DENND1A: variants seen among roughly 807,000 people sequenced by gnomAD.
The protein encoded by DENND1A is DENN domain-containing protein 1A.
Under a neutral mutation model 113.7 loss-of-function variants are expected in DENND1A, and 51 were observed. The observed-to-expected ratio is 0.45, with a 90% CI of 0.36 to 0.57. The LOEUF (loss-of-function observed/expected upper bound fraction) is 0.57. Among genes scored for constraint, DENND1A ranks in the 20% least tolerant of loss-of-function variants. The pLI, the probability that DENND1A is intolerant of heterozygous loss-of-function variation, is 0.00. For synonymous variants in DENND1A, 565 were observed against 570.8 expected, an observed-to-expected ratio of 0.99 and a Z score of 0.14; for missense variants, 1,258 against 1,395.9, an observed-to-expected ratio of 0.90 and a Z score of 1.57.
chr9:123,535,066 T>TCTACCC (rs2055629782), intron 13 of DENND1A, among the ~76,000 whole-genome samples: 1 of 152,126 alleles, frequency 6.6e-6, no homozygotes, highest in African/African-American at 2.4e-5. Flanking sequence ...TCCTGTCACC[T>TCTACCC]CTACCCAAAT....
intron 1 of DENND1A, among the ~76,000 whole-genome samples, chr9:123,899,633 T>C (rs780651775): frequency 4.6e-5 from 7 of 152,224 alleles, no homozygotes; most frequent in Non-Finnish European, 8.8e-5. Context: ...TATAAATATT[T>C]CATAGTATTC....
chr9:123,832,449 T>G (rs1840368419), intron 2 of DENND1A, among the ~76,000 whole-genome samples: 1 of 152,210 alleles, frequency 6.6e-6, no homozygotes, highest in Non-Finnish European at 1.5e-5. Context: ...TCCACCACAT[T>G]GGAAAACTTG....
At position 123,827,997 on chromosome 9, in the gene DENND1A, G is replaced by A. The variant is rs659967; in HGVS notation, c.89-35367C>T. The stretch of plus-strand genomic sequence containing the variant: ...CAATTGGCACTCAATAAAAAATTAC[G>A]AAGTAAACAGGGACAAAAGAAAGGT... On this transcript the variant is annotated intron_variant, in intron 2 of 23. Transcript: ENST00000394215. 5.3e-5 allele frequency among the ~76,000 whole-genome samples: 8 copies of A among 151,910 alleles called. No homozygotes were observed. In the East Asian group the frequency reaches 5.8e-4, roughly 11 times the overall value.
intron 13 of DENND1A, among the ~76,000 whole-genome samples, chr9:123,465,107 G>T (rs1219587326): frequency 6.6e-6 from 1 of 151,342 alleles, no homozygotes; most frequent in African/African-American, 2.4e-5. Flanking sequence ...CTTGAACCCG[G>T]GAGGTGGAGG....
intron 1 of DENND1A, among the ~76,000 whole-genome samples, chr9:123,886,948 T>C (rs920316596): frequency 6.6e-6 from 1 of 152,172 alleles, no homozygotes; most frequent in African/African-American, 2.4e-5. Context: ...TTACCTTCCA[T>C]ATATCCCTAC....
At chr9:123,556,587 C>T (rs140879126) in intron 13 of DENND1A, among the ~76,000 whole-genome samples, 9 of 152,314 alleles carry the variant, frequency 5.9e-5, no homozygotes, top group African/African-American at 1.2e-4. Context: ...CAAACAGCCC[C>T]GGCCTATAGG....
At chr9:123,884,898 C>T (rs937967572) in intron 1 of DENND1A, among the ~76,000 whole-genome samples, 3 of 152,058 alleles carry the variant, frequency 2.0e-5, no homozygotes, top group African/African-American at 7.2e-5. Context: ...ACAGTCTTTC[C>T]AGGCTTTTTC....
At chr9:123,723,231 C>G (rs2067465182) in intron 5 of DENND1A, among the ~76,000 whole-genome samples, 1 of 152,204 alleles carries the variant, frequency 6.6e-6, no homozygotes, top group African/African-American at 2.4e-5. Context: ...TTCAGAATGG[C>G]TGTATTTACC....
chr9:123,833,911 C>T (rs1399742169), intron 2 of DENND1A, among the ~76,000 whole-genome samples: 1 of 152,076 alleles, frequency 6.6e-6, no homozygotes, highest in Non-Finnish European at 1.5e-5. Context: ...CAAAAATTAG[C>T]TGGGCATGGT....
At chr9:123,783,079 C>T (rs1304000651) in intron 3 of DENND1A, among the ~76,000 whole-genome samples, 1 of 152,298 alleles carries the variant, frequency 6.6e-6, no homozygotes, top group African/African-American at 2.4e-5. Context: ...GGCTCATTTA[C>T]AAGGACAGTG....
chr9:123,509,163 G>A (rs938944971), intron 13 of DENND1A, among the ~76,000 whole-genome samples: 6 of 152,268 alleles, frequency 3.9e-5, no homozygotes, highest in South Asian at 4.2e-4. Flanking sequence ...ACACAAGCCC[G>A]TACACACAGA....
intron 19 of DENND1A, among the ~76,000 whole-genome samples, chr9:123,434,878 A>C (rs1044943538): frequency 2.6e-5 from 4 of 152,220 alleles, no homozygotes; most frequent in African/African-American, 7.2e-5. Context: ...CCACATGGGG[A>C]CTACAGGGAG....
intron 9 of DENND1A, among the ~76,000 whole-genome samples, chr9:123,640,208 G>C (rs2061954246): frequency 6.6e-6 from 1 of 152,210 alleles, no homozygotes; most frequent in Non-Finnish European, 1.5e-5. Context: ...CATTATGAAA[G>C]AGATGCTATA....
At chr9:123,888,636 A>G (rs905656960) in intron 1 of DENND1A, among the ~76,000 whole-genome samples, 1 of 152,248 alleles carries the variant, frequency 6.6e-6, no homozygotes, top group Non-Finnish European at 1.5e-5. Context: ...AGGACCTTCT[A>G]GAAAATATCT....
chr9:123,778,610 G>A (rs570102940), intron 3 of DENND1A, among the ~76,000 whole-genome samples: 8 of 152,110 alleles, frequency 5.3e-5, no homozygotes, highest in African/African-American at 1.4e-4. Context: ...TAGGCTTTGC[G>A]GGCCACTTAT....
intron 13 of DENND1A, among the ~76,000 whole-genome samples, chr9:123,476,109 G>A (rs2049887283): frequency 6.6e-6 from 1 of 152,022 alleles, no homozygotes; most frequent in Non-Finnish European, 1.5e-5. Flanking sequence ...GCTTGAACTT[G>A]GGAGGTGGAG....
intron 5 of DENND1A, among the ~76,000 whole-genome samples, chr9:123,727,644 G>T (rs562573255): frequency 6.6e-6 from 1 of 151,146 alleles, no homozygotes; most frequent in African/African-American, 2.4e-5. Context: ...AGAAAGCCAA[G>T]AATGAAAGTA....
chr9:123,899,109 C>A (rs1465859260), intron 1 of DENND1A, among the ~76,000 whole-genome samples: 2 of 152,120 alleles, frequency 1.3e-5, no homozygotes, highest in African/African-American at 4.8e-5. Flanking sequence ...TTCATTCATG[C>A]CCATAATTTC....
intron 1 of DENND1A, among the ~76,000 whole-genome samples, chr9:123,896,851 C>G (rs1182111080): frequency 6.6e-6 from 1 of 152,020 alleles, no homozygotes; most frequent in Non-Finnish European, 1.5e-5. Context: ...AAAAGCTACA[C>G]AAGATAAACG....
Sources: allele counts gnomAD v4.1 joint callset (sites outside exome capture counted in the v4.1 genomes callset), GRCh38; gene constraint gnomAD v4.1.1; transcripts MANE v1.5; gene names NCBI Gene and HGNC (gene_info 2026-07-23, HGNC 2026-07-21).